PCLO: variants seen among roughly 807,000 people sequenced by gnomAD.
PCLO encodes the protein piccolo presynaptic cytomatrix protein.
A neutral mutation model predicts 427.5 loss-of-function variants in PCLO; 82 were observed. The ratio of observed to expected loss-of-function variants is 0.19; its 90% confidence interval spans 0.16 to 0.23. The LOEUF is 0.23. Among genes scored for constraint, PCLO ranks in the 10% least tolerant of loss-of-function variants. The pLI, the probability that PCLO is intolerant of heterozygous loss-of-function variation, is 1.00. For missense variants in PCLO, 6,239 were observed against 6,115.9 expected, an observed-to-expected ratio of 1.02 and a Z score of -0.67; for synonymous variants, 2,357 against 2,155.4, an observed-to-expected ratio of 1.09 and a Z score of -2.59.
intron 9 of PCLO, among the ~76,000 whole-genome samples, chr7:82,886,077 C>G (rs1793621035): frequency 6.6e-6 from 1 of 151,982 alleles, no homozygotes; most frequent in Non-Finnish European, 1.5e-5. Flanking sequence ...GAGAAACTAC[C>G]AAGATATGAA....
At position 82,966,228 on chromosome 7, in the gene PCLO, G is replaced by T. The variant is rs373251722; in HGVS notation, c.3560C>A (p.Pro1187His). The change falls in exon 4 of 25, where the codon CCT (proline) becomes CAT (histidine). Residue 1187 changes from proline to histidine, a missense_variant. By Grantham distance (77) the Pro-to-His change is moderately conservative. Transcript: ENST00000333891. ...KETLSMEKIP[P>H]MVTTDQKQEE... ...TTGTTTTTGATCTGTGGTTACCATA[G>T]GAGGAATTTTTTCCATTGATAGTGT... The T allele has an allele frequency of 4.2e-5, 68 of 1,610,684 alleles. No homozygotes were observed. The African/African-American group carries it at 8.2e-4, about 19-fold the overall frequency.
intron 8 of PCLO, among the ~76,000 whole-genome samples, chr7:82,903,118 G>A (rs1414646968): frequency 2.6e-5 from 4 of 151,908 alleles, no homozygotes; most frequent in African/African-American, 9.7e-5. Context: ...TGGACAGTCT[G>A]GGAAAAGCAT....
At chr7:83,149,744 G>C (rs567441249) in intron 2 of PCLO, among the ~76,000 whole-genome samples, 1 of 152,246 alleles carries the variant, frequency 6.6e-6, no homozygotes, top group South Asian at 2.1e-4. Flanking sequence ...TCTCTTACTA[G>C]AAAAATAAGA....
chr7:83,076,665 G>C (rs1789962112), intron 3 of PCLO, among the ~76,000 whole-genome samples: 1 of 118,854 alleles, frequency 8.4e-6, no homozygotes, highest in East Asian at 2.6e-4. Flanking sequence ...TATACTTTAA[G>C]TTTTAGGGTA....
intron 3 of PCLO, among the ~76,000 whole-genome samples, chr7:83,108,007 A>G (rs1293479568): frequency 6.6e-6 from 1 of 151,068 alleles, no homozygotes; most frequent in East Asian, 1.9e-4. Context: ...AAAAAAAAAA[A>G]AAAAAGGAAA....
intron 3 of PCLO, among the ~76,000 whole-genome samples, chr7:83,063,743 C>A (rs1164071646): frequency 6.6e-6 from 1 of 152,042 alleles, no homozygotes; most frequent in Non-Finnish European, 1.5e-5. Context: ...CTTTTTCTGG[C>A]ATTTGAAATG....
intron 3 of PCLO, among the ~76,000 whole-genome samples, chr7:82,966,985 A>G (rs1795790918): frequency 6.6e-6 from 1 of 152,030 alleles, no homozygotes; most frequent in Non-Finnish European, 1.5e-5. Context: ...ATATAGTTCT[A>G]CCTTTCAGAG....
intron 3 of PCLO, among the ~76,000 whole-genome samples, chr7:83,107,579 T>TA (rs949641708): frequency 6.6e-6 from 1 of 151,802 alleles, no homozygotes; most frequent in Admixed American, 6.6e-5. Flanking sequence ...TTGAGTTTAT[T>TA]AAAAAACTTA....
In PCLO at chr7:82,754,814, T is replaced by G. The variant is rs2129467354; in HGVS notation, c.*3761A>C. ...GCTCATAATTATTCATTGAGTCTTC[T>G]TTCACTTTCATGTCAAGCTCAAAAA... On this transcript the variant is annotated 3_prime_UTR_variant, in exon 25 of 25. Transcript: ENST00000333891. 1 of 152,258 alleles carries G rather than the reference T, an allele frequency of 6.6e-6. No homozygotes were observed. Among genetic ancestry groups the G allele is most frequent in the Admixed American group, 6.5e-5 (1 of 15,288 alleles). 9.4% of individuals were successfully genotyped at this position (152,258 alleles called of 1,614,324 possible). A position where few individuals can be genotyped will look rare whatever the true frequency, so the allele number is the denominator to read the frequency against.
chr7:83,158,353 A>G (rs1444528020), intron 1 of PCLO, among the ~76,000 whole-genome samples: 2 of 151,958 alleles, frequency 1.3e-5, no homozygotes. Context: ...AGACCTTGAC[A>G]TTATTCTATA....
At position 82,801,603 on chromosome 7, in the gene PCLO, T is replaced by C; in HGVS notation, c.14934-12A>G. 6.7e-7 allele frequency: 1 copy of C among 1,498,064 alleles called. No homozygotes were observed. The highest frequency in any genetic ancestry group is 9.3e-7 in the Non-Finnish European group (1 of 1,076,694). The allele number at this position is 1,498,064 out of a possible 1,614,324, so 92.8% of individuals were successfully genotyped here. On this transcript the variant is annotated splice_polypyrimidine_tract_variant and intron_variant, in intron 21 of 24. Transcript: ENST00000333891. The stretch of plus-strand genomic sequence containing the variant: ...GTCCCATCTTCCCTCTGTTTAGAAA[T>C]AAAATAAAATGATATATTCAGTTAT...
chr7:83,067,944 G>A (rs77002794), intron 3 of PCLO, among the ~76,000 whole-genome samples: 1 of 11,600 alleles, frequency 8.6e-5, no homozygotes, highest in Non-Finnish European at 1.2e-4. Context: ...CCAAGGTTTT[G>A]TTTACCTTCT....
At chr7:82,927,315 C>CA (rs1211402819) in intron 6 of PCLO, among the ~76,000 whole-genome samples, 1 of 152,130 alleles carries the variant, frequency 6.6e-6, no homozygotes, top group Non-Finnish European at 1.5e-5. Flanking sequence ...ATTTCGCTTT[C>CA]ATGAGATAAC....
intron 3 of PCLO, among the ~76,000 whole-genome samples, chr7:83,059,313 T>TTTATATA (rs1212923537): frequency 2.8e-5 from 4 of 142,474 alleles, no homozygotes; most frequent in African/African-American, 7.6e-5. Flanking sequence ...ATATATTATA[T>TTTATATA]TTATATATTA....
chr7:82,760,838 G>A, intron 23 of PCLO, 54 bp from the exon 24 acceptor site: 1 of 948,432 alleles, frequency 1.1e-6, no homozygotes, highest in Non-Finnish European at 1.5e-6. Flanking sequence ...AATTTCTATT[G>A]AAAGAATTAT....
intron 3 of PCLO, among the ~76,000 whole-genome samples, chr7:83,050,866 T>A (rs1583958912): frequency 6.6e-6 from 1 of 151,958 alleles, no homozygotes; most frequent in South Asian, 2.1e-4. Context: ...TGAGCTGAGA[T>A]TGCACCACTG....
At chr7:82,971,300 G>C (rs970810117) in intron 3 of PCLO, among the ~76,000 whole-genome samples, 5 of 151,472 alleles carry the variant, frequency 3.3e-5, no homozygotes, top group Admixed American at 1.3e-4. Context: ...ATTGTGATAC[G>C]CATGATTATT....
Position 83,134,755 on chromosome 7 carries a change from A to G in PCLO, c.2795T>C (p.Phe932Ser), listed in dbSNP as rs1157047776. The change falls in exon 3 of 25, where the codon TTT becomes TCT. Residue 932 changes from phenylalanine (F) to serine (S), a missense_variant. Coordinates refer to ENST00000333891, the MANE Select transcript of PCLO (RefSeq NM_033026.6). ...GCTGAAGATTGATGCTCCAAACCCA[A>G]AGAGTTTCCCAGTCACGGTCTCTTG... The part of the protein sequence containing the change: ...TPQETVTGKL[F>S]GFGASIFSQA... The G allele has an allele frequency of 1.2e-6, 2 of 1,613,910 alleles. No individual in the cohort carries two copies. Among genetic ancestry groups the G allele is most frequent in the African/African-American group, 1.3e-5 (1 of 75,016 alleles).
At position 82,800,197 on chromosome 7, in the gene PCLO, G is replaced by A. The variant is rs1396413384; in HGVS notation, c.15007+1321C>T. 2.6e-5 allele frequency among the ~76,000 whole-genome samples: 4 copies of A among 152,254 alleles called. No homozygotes were observed. The East Asian group carries it at 7.7e-4, about 29-fold the overall frequency. ...ATTTCGAATAGAACAAGAAAAATGT[G>A]GCATTCACTTAAGCCCCTGAGAAAA... On this transcript the variant is annotated intron_variant, in intron 22 of 24. Transcript: ENST00000333891.
Sources: allele counts gnomAD v4.1 joint callset (sites outside exome capture counted in the v4.1 genomes callset), GRCh38; gene constraint gnomAD v4.1.1; transcripts MANE v1.5; gene names NCBI Gene and HGNC (gene_info 2026-07-23, HGNC 2026-07-21).